Variants in CCDC73 observed in about 807,000 individuals in gnomAD.
The protein encoded by CCDC73 is coiled-coil domain-containing protein 73.
CCDC73 carries 95 observed loss-of-function variants against 116.5 expected under a neutral mutation model. The ratio of observed to expected loss-of-function variants is 0.82; its 90% confidence interval spans 0.69 to 0.97. The LOEUF is 0.97. Ranked by LOEUF, CCDC73 falls within the 50% of genes least tolerant of loss-of-function variation. The pLI is 0.00. For missense variants in CCDC73, 1,066 were observed against 1,206.8 expected, an observed-to-expected ratio of 0.88 and a Z score of 1.73; for synonymous variants, 398 against 401.3, an observed-to-expected ratio of 0.99 and a Z score of 0.10.
chr11:32,776,057 C>T (rs895930841), intron 1 of CCDC73, among the ~76,000 whole-genome samples: 1 of 152,104 alleles, frequency 6.6e-6, no homozygotes, highest in African/African-American at 2.4e-5. Flanking sequence ...TGCTTCTCCA[C>T]CTCTTGTTCA....
At chr11:32,666,192 T>C (rs940180941) in intron 9 of CCDC73, among the ~76,000 whole-genome samples, 5 of 152,200 alleles carry the variant, frequency 3.3e-5, no homozygotes, top group African/African-American at 1.2e-4. Context: ...ATTTCCTGAA[T>C]TTGAATGTTG....
chr11:32,758,808 T>C (rs1401073430), intron 2 of CCDC73, among the ~76,000 whole-genome samples: 1 of 152,176 alleles, frequency 6.6e-6, no homozygotes, highest in Admixed American at 6.6e-5. Flanking sequence ...TTGTTTCACT[T>C]AGGAAAGATA....
rs116723616 is a variant in CCDC73, at chr11:32,702,471, T to C, written c.279+402A>G. On this transcript the variant is annotated intron_variant, in intron 4 of 17. Transcript: ENST00000335185. ...TTCTAATCCTTGTCATCTCCCTACTTGCATCTCAGATTTTGATCATAACAT... is the reference window on the plus strand; with the variant it reads ...TTCTAATCCTTGTCATCTCCCTACTCGCATCTCAGATTTTGATCATAACAT... 7.1e-3 allele frequency among the ~76,000 whole-genome samples: 1,084 copies of C among 152,306 alleles called. 17 individuals are homozygous for C. Among genetic ancestry groups the C allele is most frequent in the African/African-American group, 0.025 (1,046 of 41,570 alleles).
chr11:32,706,479 G>C (rs548869758), intron 3 of CCDC73, among the ~76,000 whole-genome samples: 13 of 152,290 alleles, frequency 8.5e-5, no homozygotes, highest in African/African-American at 2.9e-4. Flanking sequence ...AAGCACTAGA[G>C]GAGAGTGCCT....
At chr11:32,667,457 C>T (rs949629553) in intron 9 of CCDC73, among the ~76,000 whole-genome samples, 2 of 152,220 alleles carry the variant, frequency 1.3e-5, no homozygotes, top group African/African-American at 4.8e-5. Context: ...TGGCACCGTC[C>T]AAGCCAGGCA....
At chr11:32,688,816 C>A (rs1040319068) in intron 6 of CCDC73, among the ~76,000 whole-genome samples, 1 of 151,800 alleles carries the variant, frequency 6.6e-6, no homozygotes, top group Non-Finnish European at 1.5e-5. Context: ...AAATATATAG[C>A]ATCAATAAAA....
intron 14 of CCDC73, 38 bp from the exon 15 acceptor site, chr11:32,616,167 C>G: frequency 6.6e-7 from 1 of 1,517,472 alleles, no homozygotes; most frequent in Non-Finnish European, 8.8e-7. Context: ...AAAAACATTG[C>G]CTACAAGTAT....
At position 32,634,199 on chromosome 11, in the gene CCDC73, C is replaced by T. The variant is rs541168730; in HGVS notation, c.1185+1497G>A. ...ACCAGTATTACTCTTGACGCAAAAA[C>T]CAGTTCAAATATTGCAAAGAAAAAA... On this transcript the variant is annotated intron_variant, in intron 14 of 17. Coordinates refer to ENST00000335185, the MANE Select transcript of CCDC73 (RefSeq NM_001008391.4). 3.9e-5 allele frequency among the ~76,000 whole-genome samples: 6 copies of T among 152,144 alleles called. No individual in the cohort carries two copies. In the South Asian group the frequency reaches 1.0e-3, roughly 26 times the overall value.
the CCDC73 span, among the ~76,000 whole-genome samples, chr11:32,812,423 T>C: frequency 3.9e-5 from 6 of 152,066 alleles, no homozygotes; most frequent in East Asian, 1.9e-4. Flanking sequence ...CCCAACACTT[T>C]GGGAGGCCGA....
intron 2 of CCDC73, among the ~76,000 whole-genome samples, chr11:32,752,028 A>C (rs1045627696): frequency 1.1e-4 from 16 of 152,220 alleles, no homozygotes; most frequent in Admixed American, 1.0e-3. Context: ...ACTTCCGCTC[A>C]CACTCCAGTG....
intron 2 of CCDC73, among the ~76,000 whole-genome samples, chr11:32,725,021 T>G (rs919721266): frequency 6.6e-6 from 1 of 152,192 alleles, no homozygotes; most frequent in Non-Finnish European, 1.5e-5. Flanking sequence ...CATTACCATT[T>G]TAGGCTCATA....
chr11:32,776,950 T>TATACAC (rs1850538746), intron 1 of CCDC73, among the ~76,000 whole-genome samples: 1 of 28,428 alleles, frequency 3.5e-5, no homozygotes, highest in Non-Finnish European at 8.0e-5. Context: ...TATATATATA[T>TATACAC]ATATATATAT....
chr11:32,722,373 A>C (rs894177446), intron 2 of CCDC73, among the ~76,000 whole-genome samples: 1 of 152,210 alleles, frequency 6.6e-6, no homozygotes, highest in Non-Finnish European at 1.5e-5. Context: ...TGGGTCACAT[A>C]CCCTCTCCTA....
chr11:32,666,687 T>C (rs923600188), intron 9 of CCDC73, among the ~76,000 whole-genome samples: 1 of 152,250 alleles, frequency 6.6e-6, no homozygotes, highest in Non-Finnish European at 1.5e-5. Context: ...TCCAGCTTTG[T>C]TCCATTGCTG....
chr11:32,777,500 C>A (rs933842022), intron 1 of CCDC73, among the ~76,000 whole-genome samples: 1 of 152,082 alleles, frequency 6.6e-6, no homozygotes, highest in African/African-American at 2.4e-5. Flanking sequence ...AATACAGGCT[C>A]ATATTTTAAA....
upstream of CCDC73, among the ~76,000 whole-genome samples, chr11:32,799,527 T>C (rs1186951979): frequency 6.6e-6 from 1 of 152,190 alleles, no homozygotes; most frequent in East Asian, 1.9e-4. Context: ...TATTACAATT[T>C]GGAATTATTT....
At chr11:32,712,337 G>T (rs1308961198) in intron 3 of CCDC73, among the ~76,000 whole-genome samples, 1 of 152,016 alleles carries the variant, frequency 6.6e-6, no homozygotes, top group East Asian at 1.9e-4. Context: ...GAAAGAATAA[G>T]TTTGAGATCT....
Position 32,613,534 on chromosome 11 carries a change from A to C in CCDC73, c.2784T>G (p.Ile928Met). 1 of 1,614,142 alleles carries C rather than the reference A, an allele frequency of 6.2e-7. No homozygotes were observed. Among genetic ancestry groups the C allele is most frequent in the African/African-American group, 1.3e-5 (1 of 75,058 alleles). ...GTGGTCTCTCCTTCAGCAACAAAGAAATGCAAGGGGTCGAACTGCTCGCTG... is the reference window on the plus strand; with the variant it reads ...GTGGTCTCTCCTTCAGCAACAAAGACATGCAAGGGGTCGAACTGCTCGCTG... ...SQTASSSTPC[I>M]SLLLKERPLD... is the part of the protein sequence containing the mutation. The change falls in exon 16 of 18, where the codon ATT (isoleucine) becomes ATG (methionine). Residue 928 changes from isoleucine (I) to methionine (M), a missense_variant. Coordinates refer to ENST00000335185, the MANE Select transcript of CCDC73 (RefSeq NM_001008391.4).
chr11:32,675,892 G>A lies in CCDC73; in HGVS notation c.559C>T (p.Gln187Ter). Reference sequence around the variant, plus strand: ...TAAATAAGATAGCACATACCATTTTGTTCTAACTTTTCATGATTCTCTTTT... The same window carrying A: ...TAAATAAGATAGCACATACCATTTTATTCTAACTTTTCATGATTCTCTTTT... ...LVKENHEKLE[Q>*]NVREAIQSNK... is the part of the protein sequence containing the mutation. Residue 187 changes from glutamine to a stop codon, truncating the protein, a stop_gained, in exon 8 of 18, where the codon CAA (glutamine) becomes TAA (stop). Coordinates refer to ENST00000335185, the MANE Select transcript of CCDC73 (RefSeq NM_001008391.4). LOFTEE classifies it high-confidence loss of function. 6.3e-7 allele frequency: 1 copy of A among 1,594,474 alleles called. No individual in the cohort carries two copies. The highest frequency in any genetic ancestry group is 1.1e-5 in the South Asian group (1 of 87,354).
Sources: gnomAD v4.1 joint callset for allele counts (sites outside exome capture counted in the v4.1 genomes callset) on GRCh38, gnomAD v4.1.1 for gene constraint, MANE v1.5 for transcripts, NCBI Gene and HGNC (gene_info 2026-07-23, HGNC 2026-07-21) for gene names.